The following OSBP2 variants were observed in gnomAD, a reference collection of about 807,000 sequenced individuals.
OSBP2 encodes oxysterol-binding protein 2.
In OSBP2, 66 loss-of-function variants were observed where a neutral mutation model predicts 96.0. The observed-to-expected ratio is 0.69, with a 90% confidence interval of 0.56 to 0.84. OSBP2 has a LOEUF of 0.84. OSBP2 is among the 40% of genes least tolerant of loss of function. The probability of loss-of-function intolerance (pLI) is 0.00; values close to 1 mark genes in which losing one functional copy is unlikely to be tolerated. For synonymous variants in OSBP2, 525 were observed against 520.9 expected (o/e 1.01, Z -0.11); for missense variants, 1,038 against 1,222.7 (o/e 0.85, Z 2.25).
intron 1 of OSBP2, among the ~76,000 whole-genome samples, chr22:30,701,527 T>C (rs1233170594): frequency 6.6e-6 from 1 of 151,930 alleles, no homozygotes; most frequent in African/African-American, 2.4e-5. Flanking sequence ...GTATTTTTAG[T>C]ACAGACGGGG....
chr22:30,698,674 G>A (rs1399705882), intron 1 of OSBP2, among the ~76,000 whole-genome samples: 1 of 151,914 alleles, frequency 6.6e-6, no homozygotes, highest in Non-Finnish European at 1.5e-5. Flanking sequence ...TCCTGACTTC[G>A]TGATCTGCCC....
At chr22:30,748,385 TC>T (rs922040798) in intron 2 of OSBP2, among the ~76,000 whole-genome samples, 41 of 152,062 alleles carry the variant, frequency 2.7e-4, no homozygotes, top group African/African-American at 9.4e-4. Flanking sequence ...CTAAAAAACT[TC>T]CAAGACCCCC....
intron 2 of OSBP2, among the ~76,000 whole-genome samples, chr22:30,839,609 G>C (rs1425340744): frequency 6.6e-6 from 1 of 152,114 alleles, no homozygotes; most frequent in East Asian, 1.9e-4. Flanking sequence ...GTGATGATGA[G>C]CATTTTTTCA....
At chr22:30,838,352 C>G (rs1370729789) in intron 2 of OSBP2, among the ~76,000 whole-genome samples, 1 of 152,066 alleles carries the variant, frequency 6.6e-6, no homozygotes. Flanking sequence ...GGATAAGAAC[C>G]AGGTCTGATT....
chr22:30,751,620 A>G (rs2090074740), intron 2 of OSBP2, among the ~76,000 whole-genome samples: 1 of 151,722 alleles, frequency 6.6e-6, no homozygotes, highest in African/African-American at 2.4e-5. Context: ...CTCCCAAAGT[A>G]CTGGGATTAC....
chr22:30,730,789 TA>T (rs1602184289), intron 1 of OSBP2, among the ~76,000 whole-genome samples: 4 of 50,668 alleles, frequency 7.9e-5, no homozygotes, highest in East Asian at 1.1e-3. Flanking sequence ...TATATATATA[TA>T]TATATATATA....
intron 1 of OSBP2, among the ~76,000 whole-genome samples, chr22:30,738,596 T>G (rs901312160): frequency 6.6e-6 from 1 of 152,090 alleles, no homozygotes; most frequent in Middle Eastern, 3.4e-3. Flanking sequence ...GTTTCGCTCT[T>G]GTTGCCCAGG....
chr22:30,899,225 AT>A (rs201025373), intron 12 of OSBP2, among the ~76,000 whole-genome samples: 1 of 151,782 alleles, frequency 6.6e-6, no homozygotes, highest in African/African-American at 2.4e-5. Flanking sequence ...CAAAAAAAAA[AT>A]TTTTTTAATT....
rs140408981 is a variant in OSBP2 at position 30,890,452 on chromosome 22, TG to T, written c.1624-273del. Among the ~76,000 whole-genome samples the T allele has an allele frequency of 1.1e-3, 170 of 152,260 alleles. 3 individuals are homozygous for T. In the East Asian group the frequency reaches 0.026, roughly 24 times the overall value. ...GGCCAGGCAGAACCCCTGGCCTTGG[TG>T]GGTGTCCATCCGAGCAGAGGAGAGC... On this transcript the variant is annotated intron_variant, in intron 7 of 13. Coordinates refer to ENST00000332585, the MANE Select transcript of OSBP2 (RefSeq NM_030758.4). This position sits in a 1 kb window ranked among gnomAD's most constrained non-coding sequence, Gnocchi z 4.4.
At chr22:30,862,116 C>T (rs1462747143) in intron 2 of OSBP2, among the ~76,000 whole-genome samples, 3 of 152,348 alleles carry the variant, frequency 2.0e-5, no homozygotes, top group South Asian at 4.1e-4. Context: ...CTTTTGGAAG[C>T]TCGCCGAAGA....
intron 2 of OSBP2, 90 bp downstream of exon 2, chr22:30,741,459 G>A (rs1265445060): frequency 1.8e-6 from 2 of 1,117,824 alleles, no homozygotes; most frequent in Non-Finnish European, 2.6e-6. Context: ...GGGCAGTGGT[G>A]GCCAGGAGAC....
rs868351944 is a variant in OSBP2 at position 30,905,737 on chromosome 22, G to A, written c.2376-100G>A. ...TGGACGCGGGGAGCTGGAGGGTGAG[G>A]CGACCCGGGAGGAGACACCGCCAGG... On this transcript the variant is annotated intron_variant, in intron 12 of 13. Transcript: ENST00000332585. 3.6e-6 allele frequency: 5 copies of A among 1,377,696 alleles called. No individual in the cohort carries two copies. The South Asian group carries it at 4.0e-5, about 11-fold the overall frequency. 85.3% of individuals were successfully genotyped at this position (1,377,696 alleles called of 1,614,324 possible).
intron 2 of OSBP2, among the ~76,000 whole-genome samples, chr22:30,766,010 G>A (rs1371919952): frequency 6.6e-6 from 1 of 152,152 alleles, no homozygotes; most frequent in African/African-American, 2.4e-5. Context: ...TGTAGTGGGA[G>A]GATCGCTTGA....
intron 2 of OSBP2, among the ~76,000 whole-genome samples, chr22:30,757,288 C>T (rs901760900): frequency 2.0e-5 from 3 of 152,186 alleles, no homozygotes; most frequent in Non-Finnish European, 2.9e-5. Flanking sequence ...ACGCTCCCTG[C>T]GTCCCCCCTG....
Position 30,850,902 on chromosome 22 carries a change from T to C in OSBP2, c.854-19527T>C, listed in dbSNP as rs955706372. ...GAATCTATACATTAATTGTGGAAAATTGATATTTTAACAATATTTAAGTTT... is the reference window on the plus strand; with the variant it reads ...GAATCTATACATTAATTGTGGAAAACTGATATTTTAACAATATTTAAGTTT... On this transcript the variant is annotated intron_variant, in intron 2 of 13. Transcript: ENST00000332585. 2.0e-5 allele frequency among the ~76,000 whole-genome samples: 3 copies of C among 152,216 alleles called. No homozygotes were observed. In the South Asian group the frequency reaches 6.2e-4, roughly 32 times the overall value.
At chr22:30,790,426 T>C (rs1040197055) in intron 2 of OSBP2, among the ~76,000 whole-genome samples, 2 of 152,166 alleles carry the variant, frequency 1.3e-5, no homozygotes, top group Non-Finnish European at 2.9e-5. Flanking sequence ...TGGAGGGGCA[T>C]GGGAAAGAGG....
chr22:30,737,355 ACT>A (rs1264380871), intron 1 of OSBP2, among the ~76,000 whole-genome samples: 1 of 113,582 alleles, frequency 8.8e-6, no homozygotes, highest in Non-Finnish European at 1.7e-5. Flanking sequence ...ACAGGGTCTC[ACT>A]CTGTCACTCA....
chr22:30,708,781 G>A (rs1472266353), intron 1 of OSBP2, among the ~76,000 whole-genome samples: 1 of 151,164 alleles, frequency 6.6e-6, no homozygotes, highest in Non-Finnish European at 1.5e-5. Context: ...GAGCCACCGT[G>A]CCCGGCCAAG....
chr22:30,848,466 AAATG>A (rs1220607279), intron 2 of OSBP2, among the ~76,000 whole-genome samples: 2 of 152,236 alleles, frequency 1.3e-5, no homozygotes, highest in Non-Finnish European at 2.9e-5. Flanking sequence ...AAATGCAACA[AAATG>A]AACTGATTTT....
Sources: gnomAD v4.1 joint callset for allele counts (sites outside exome capture counted in the v4.1 genomes callset) on GRCh38, gnomAD v4.1.1 for gene constraint, Gnocchi (gnomAD v3.1) non-coding constraint, MANE v1.5 for transcripts, NCBI Gene and HGNC (gene_info 2026-07-23, HGNC 2026-07-21) for gene names.